TNR: variants seen among roughly 807,000 people sequenced by gnomAD.
The protein encoded by TNR is tenascin R.
A neutral mutation model predicts 150.4 loss-of-function variants in TNR; 45 were observed. The ratio of observed to expected loss-of-function variants is 0.30; its 90% CI spans 0.24 to 0.38. TNR has a LOEUF of 0.38. Among genes scored for constraint, TNR ranks in the 10% least tolerant of loss-of-function variants. The pLI is 1.00. For missense variants in TNR, 1,544 were observed against 1,759.1 expected (o/e 0.88, Z 2.19); for synonymous variants, 687 against 678.4 (o/e 1.01, Z -0.20).
intron 2 of TNR, among the ~76,000 whole-genome samples, chr1:175,511,612 T>C (rs1386582781): frequency 6.6e-6 from 1 of 152,198 alleles, no homozygotes; most frequent in African/African-American, 2.4e-5. Flanking sequence ...AAGCACATCT[T>C]GCAGTGAGAG....
At chr1:175,357,018 C>T (rs569626854) in intron 15 of TNR, among the ~76,000 whole-genome samples, 1 of 152,184 alleles carries the variant, frequency 6.6e-6, no homozygotes, top group African/African-American at 2.4e-5. Context: ...TTTGGGAATG[C>T]CATGTGATAT....
rs1044138438 is a variant in TNR at position 175,504,054 on chromosome 1, C to G, written c.-64+24215G>C. ...CGGGGTGTACGAAGAAGGCTGATGC[C>G]CAGGAGCTCTTCGAGGATTCACACT... On this transcript the variant is annotated intron_variant, in intron 2 of 22. Coordinates refer to ENST00000367674, the MANE Select transcript of TNR (RefSeq NM_003285.3). Among the ~76,000 whole-genome samples, 3 of 152,082 alleles carry G rather than the reference C, an allele frequency of 2.0e-5. No individual in the cohort carries two copies. In the South Asian group the frequency reaches 6.2e-4, roughly 32 times the overall value.
intron 2 of TNR, among the ~76,000 whole-genome samples, chr1:175,525,129 G>C (rs1195682154): frequency 6.6e-6 from 1 of 152,174 alleles, no homozygotes. Context: ...GTTTTCCTGA[G>C]ATCTGACAGT....
chr1:175,595,411 A>T (rs1662969940), intron 1 of TNR, among the ~76,000 whole-genome samples: 1 of 152,240 alleles, frequency 6.6e-6, no homozygotes, highest in Non-Finnish European at 1.5e-5. Flanking sequence ...AACCCAGTTT[A>T]AACCCTATTT....
intron 2 of TNR, among the ~76,000 whole-genome samples, chr1:175,431,008 G>A (rs1655239136): frequency 6.6e-6 from 1 of 152,116 alleles, no homozygotes; most frequent in South Asian, 2.1e-4. Flanking sequence ...CATGGGCTAG[G>A]GGAGATATTT....
intron 2 of TNR, among the ~76,000 whole-genome samples, chr1:175,409,024 T>C (rs1446839443): frequency 6.6e-6 from 1 of 152,188 alleles, no homozygotes; most frequent in South Asian, 2.1e-4. Context: ...TGGAATCAAA[T>C]TGCCCTCCTA....
intron 14 of TNR, among the ~76,000 whole-genome samples, chr1:175,361,075 T>C (rs986193694): frequency 1.3e-5 from 2 of 152,156 alleles, no homozygotes; most frequent in African/African-American, 4.8e-5. Flanking sequence ...TTTTTTTTCT[T>C]TTGAGAGACA....
intron 3 of TNR, among the ~76,000 whole-genome samples, chr1:175,404,464 A>G (rs1158569974): frequency 6.6e-6 from 1 of 152,178 alleles, no homozygotes; most frequent in African/African-American, 2.4e-5. Flanking sequence ...TTACTGTGGG[A>G]TAACTACAGT....
chr1:175,391,704 G>A (rs1653176945), intron 6 of TNR, among the ~76,000 whole-genome samples: 1 of 152,208 alleles, frequency 6.6e-6, no homozygotes, highest in Non-Finnish European at 1.5e-5. Context: ...TGAGTTTGCT[G>A]AGTTTGCCAA....
In TNR at chr1:175,482,610, T is replaced by C. The variant is rs541897357; in HGVS notation, c.-64+45659A>G. Among the ~76,000 whole-genome samples, 3 of 152,212 alleles carry C rather than the reference T, an allele frequency of 2.0e-5. No homozygotes were observed. The South Asian group carries it at 6.2e-4, about 32-fold the overall frequency. The stretch of plus-strand genomic sequence containing the variant: ...TGTATCCCAGGCATATGAAAACAAA[T>C]GTACACTGAGAAGACGCCCTAAGAA... On this transcript the variant is annotated intron_variant, in intron 2 of 22. Coordinates refer to ENST00000367674, the MANE Select transcript of TNR (RefSeq NM_003285.3).
intron 1 of TNR, among the ~76,000 whole-genome samples, chr1:175,729,541 C>T (rs1667576405): frequency 6.6e-6 from 1 of 152,076 alleles, no homozygotes; most frequent in African/African-American, 2.4e-5. Context: ...CGATCCCCTA[C>T]CTCAACCTCC....
chr1:175,716,362 C>T (rs143804008), intron 1 of TNR, among the ~76,000 whole-genome samples: 1 of 152,308 alleles, frequency 6.6e-6, no homozygotes, highest in East Asian at 1.9e-4. Context: ...AAACCTTACT[C>T]CTCCCACATC....
chr1:175,316,159 T>A lies in TNR; in HGVS notation c.*7198A>T, dbSNP rs541535151. 6.6e-6 allele frequency: 1 copy of A among 152,202 alleles called. No individual in the cohort carries two copies. Among genetic ancestry groups the A allele is most frequent in the African/African-American group, 2.4e-5 (1 of 41,444 alleles). The allele number at this position is 152,202 out of a possible 1,614,324, so 9.4% of individuals were successfully genotyped here. On this transcript the variant is annotated 3_prime_UTR_variant, in exon 23 of 23. Transcript: ENST00000367674. ...ATGTCTGGAGTTTTGGCCTGGCAGCTAAAAATACCAGGTTGCCAAGTACTG... is the reference window on the plus strand; with the variant it reads ...ATGTCTGGAGTTTTGGCCTGGCAGCAAAAAATACCAGGTTGCCAAGTACTG...
At position 175,351,712 on chromosome 1, in the gene TNR, G is replaced by A. The variant is rs183699632; in HGVS notation, c.3382+2679C>T. 1.6e-4 allele frequency among the ~76,000 whole-genome samples: 25 copies of A among 152,340 alleles called. No individual in the cohort carries two copies. In the East Asian group the frequency reaches 4.0e-3, roughly 25 times the overall value. ...ATAAATCTCCAAGACAAAGCCAGCA[G>A]AGTTTGGTATACATGAGTGACTTAC... On this transcript the variant is annotated intron_variant, in intron 18 of 22. Transcript: ENST00000367674.
In TNR at chr1:175,403,179, C is replaced by G; in HGVS notation, c.937G>C (p.Val313Leu). 6.2e-7 allele frequency: 1 copy of G among 1,614,100 alleles called. No homozygotes were observed. Among genetic ancestry groups the G allele is most frequent in the Non-Finnish European group, 8.5e-7 (1 of 1,179,962 alleles). Residue 313 changes from valine to leucine, a missense_variant, in exon 4 of 23, where the codon GTC (valine) becomes CTC (leucine). By Grantham distance (32) the Val-to-Leu change is conservative. Around this residue, in one of 2 missense-constraint regions of TNR, gnomAD observed 1,254 missense variants for 1,329.4 expected, o/e 0.94. Coordinates refer to ENST00000367674, the MANE Select transcript of TNR (RefSeq NM_003285.3). Reference sequence around the variant, plus strand: ...GGGCCCTGGTAGCCCTCTTCACAGACGCAGAGCCCCTCCTCACATTGTCCT... The same window carrying G: ...GGGCCCTGGTAGCCCTCTTCACAGAGGCAGAGCCCCTCCTCACATTGTCCT... ...GRGQCEEGLCVCEEGYQGPDC... is the reference protein window; with the variant it reads ...GRGQCEEGLCLCEEGYQGPDC...
Position 175,730,332 on chromosome 1 carries a change from A to G in TNR, c.-165+12894T>C, listed in dbSNP as rs567448766. ...AACTTAATAAGATACCCTGAGCAGA[A>G]TGAGTCACCCTTCCCTTGACTCCAC... On this transcript the variant is annotated intron_variant, in intron 1 of 22. Coordinates refer to ENST00000367674, the MANE Select transcript of TNR (RefSeq NM_003285.3). 1.1e-4 allele frequency among the ~76,000 whole-genome samples: 16 copies of G among 152,280 alleles called. 1 individual carries two copies. Among genetic ancestry groups the G allele is most frequent in the African/African-American group, 3.6e-4 (15 of 41,556 alleles).
At chr1:175,513,485 G>C (rs1659278050) in intron 2 of TNR, among the ~76,000 whole-genome samples, 2 of 152,180 alleles carry the variant, frequency 1.3e-5, no homozygotes, top group Non-Finnish European at 2.9e-5. Context: ...CACATGCTCT[G>C]TCCCTGCCTG....
chr1:175,501,905 T>G (rs1658753628), intron 2 of TNR, among the ~76,000 whole-genome samples: 1 of 152,142 alleles, frequency 6.6e-6, no homozygotes, highest in South Asian at 2.1e-4. Flanking sequence ...TCAAAGCCAG[T>G]CTGGTGTGGG....
At position 175,514,204 on chromosome 1, in the gene TNR, A is replaced by C. The variant is rs78890255; in HGVS notation, c.-64+14065T>G. Reference sequence around the variant, plus strand: ...CTAGTGTAATCACAAGGGTCCCTAAAAGTGGAAGAGGGAGGCAAAAGAGGA... The same window carrying C: ...CTAGTGTAATCACAAGGGTCCCTAACAGTGGAAGAGGGAGGCAAAAGAGGA... On this transcript the variant is annotated intron_variant, in intron 2 of 22. Coordinates refer to ENST00000367674, the MANE Select transcript of TNR (RefSeq NM_003285.3). Among the ~76,000 whole-genome samples, 317 of 152,368 alleles carry C rather than the reference A, an allele frequency of 2.1e-3. 1 individual carries two copies. The highest frequency in any genetic ancestry group is 7.3e-3 in the African/African-American group (302 of 41,596).
Sources: allele counts gnomAD v4.1 joint callset (sites outside exome capture counted in the v4.1 genomes callset), GRCh38; gene constraint gnomAD v4.1.1; regional missense constraint gnomAD v4.1.1; transcripts MANE v1.5; gene names NCBI Gene and HGNC (gene_info 2026-07-23, HGNC 2026-07-21).